RAB10: variants seen among roughly 807,000 people sequenced by gnomAD.
RAB10 encodes ras-related protein Rab-10.
In RAB10, 5 loss-of-function variants were observed where a neutral mutation model predicts 25.7. The observed-to-expected ratio is 0.19, with a 90% confidence interval of 0.10 to 0.41. RAB10 has a LOEUF of 0.41. Ranked by LOEUF, RAB10 falls within the 10% of genes least tolerant of loss-of-function variation. The pLI, the probability that RAB10 is intolerant of heterozygous loss-of-function variation, is 1.00. For synonymous variants in RAB10, 89 were observed against 86.4 expected (o/e 1.03, Z -0.16); for missense variants, 103 against 245.8 (o/e 0.42, Z 3.89).
At chr2:26,096,543 T>A (rs1667223728) in intron 1 of RAB10, among the ~76,000 whole-genome samples, 1 of 152,228 alleles carries the variant, frequency 6.6e-6, no homozygotes, top group African/African-American at 2.4e-5. Context: ...CTTTCTCTAG[T>A]AACTTCTTTT....
At chr2:26,080,409 CATG>C (rs756876461) in intron 1 of RAB10, among the ~76,000 whole-genome samples, 1 of 152,076 alleles carries the variant, frequency 6.6e-6, no homozygotes, top group Non-Finnish European at 1.5e-5. Context: ...TGATGAGAAA[CATG>C]ATAATTATTT....
intron 5 of RAB10, among the ~76,000 whole-genome samples, 192 bp downstream of exon 5, chr2:26,128,143 G>A (rs375958293): frequency 7.2e-5 from 11 of 152,242 alleles, no homozygotes; most frequent in African/African-American, 2.6e-4. Context: ...ACCGTACTGG[G>A]GGGTAGTTTC....
At chr2:26,086,086 G>C (rs539316413) in intron 1 of RAB10, among the ~76,000 whole-genome samples, 253 of 151,438 alleles carry the variant, frequency 1.7e-3, no homozygotes, top group Middle Eastern at 0.014. Flanking sequence ...AGGCTGAGGA[G>C]GGTGGATCAC....
At chr2:26,098,097 C>CT (rs1398288629) in intron 1 of RAB10, among the ~76,000 whole-genome samples, 2 of 109,316 alleles carry the variant, frequency 1.8e-5, no homozygotes, top group African/African-American at 3.5e-5. Flanking sequence ...CTTTTTCTTT[C>CT]TTTCTTTCTT....
chr2:26,093,733 T>G (rs1197844923), intron 1 of RAB10, among the ~76,000 whole-genome samples: 1 of 152,158 alleles, frequency 6.6e-6, no homozygotes, highest in East Asian at 1.9e-4. Flanking sequence ...ACTGAAGACT[T>G]TGATACTAAG....
chr2:26,130,657 C>T (rs1436805689), intron 5 of RAB10, among the ~76,000 whole-genome samples: 1 of 152,092 alleles, frequency 6.6e-6, no homozygotes, highest in African/African-American at 2.4e-5. Flanking sequence ...CTGTTTTGTC[C>T]AGGCAGGTCT....
At chr2:26,133,979 G>C (rs1025933216) in intron 5 of RAB10, among the ~76,000 whole-genome samples, 2 of 152,050 alleles carry the variant, frequency 1.3e-5, no homozygotes, top group Non-Finnish European at 2.9e-5. Context: ...CGGCCCTTCT[G>C]ATTTTCAAAG....
chr2:26,134,888 T>G, intron 5 of RAB10, 50 bp from the exon 6 acceptor site: 1 of 1,418,138 alleles, frequency 7.1e-7, no homozygotes, highest in Non-Finnish European at 9.9e-7. Context: ...CGTGATTTTA[T>G]CCATGGCAGT....
At chr2:26,119,106 T>A (rs1025278111) in intron 3 of RAB10, among the ~76,000 whole-genome samples, 3 of 152,168 alleles carry the variant, frequency 2.0e-5, no homozygotes, top group African/African-American at 7.2e-5. Flanking sequence ...AGTAAGATCA[T>A]CCAAGTAAGG....
At chr2:26,116,553 T>TTG (rs1426544810) in intron 3 of RAB10, among the ~76,000 whole-genome samples, 2 of 120,004 alleles carry the variant, frequency 1.7e-5, no homozygotes, top group Admixed American at 8.3e-5. Flanking sequence ...CTTGTGTTTT[T>TTG]TTTTTTTTTT....
chr2:26,130,224 AAAAT>A (rs1667985585), intron 5 of RAB10, among the ~76,000 whole-genome samples: 1 of 152,230 alleles, frequency 6.6e-6, no homozygotes. Context: ...ATTTCTTGAG[AAAAT>A]AAATCTATAT....
chr2:26,058,989 C>A (rs956334494), intron 1 of RAB10, among the ~76,000 whole-genome samples: 1 of 152,166 alleles, frequency 6.6e-6, no homozygotes, highest in Admixed American at 6.6e-5. Flanking sequence ...CTCTATATCT[C>A]CCTAGGACAA....
At chr2:26,117,615 G>A (rs1247076529) in intron 3 of RAB10, among the ~76,000 whole-genome samples, 7 of 125,154 alleles carry the variant, frequency 5.6e-5, no homozygotes, top group Non-Finnish European at 8.0e-5. Context: ...GCGAGACTCC[G>A]TCTCAAAAAA....
At chr2:26,058,529 C>CT (rs1477969213) in intron 1 of RAB10, among the ~76,000 whole-genome samples, 1 of 152,106 alleles carries the variant, frequency 6.6e-6, no homozygotes, top group East Asian at 1.9e-4. Context: ...TCCTAAGTAG[C>CT]TAGGATTACA....
In RAB10 at chr2:26,034,212, C is replaced by G. The variant is rs1303563338; in HGVS notation, c.-397C>G. 1 of 429,316 alleles carries G rather than the reference C, an allele frequency of 2.3e-6. No individual in the cohort carries two copies. Among genetic ancestry groups the G allele is most frequent in the Non-Finnish European group, 4.1e-6 (1 of 242,772 alleles). The allele number at this position is 429,316 out of a possible 1,614,324, so 26.6% of individuals were successfully genotyped here. A position where few individuals can be genotyped will look rare whatever the true frequency, so the allele number is the denominator to read the frequency against. ...AGGGGTCCTTCTTCGCTGCCCTCGC[C>G]GCGTGCTAGCAGGGAGTTTCCGCTC... is the stretch of plus-strand genomic sequence containing the variant. On this transcript the variant is annotated 5_prime_UTR_variant, in exon 1 of 6. Coordinates refer to ENST00000264710, the MANE Select transcript of RAB10 (RefSeq NM_016131.5).
chr2:26,086,388 A>C (rs554201542), intron 1 of RAB10, among the ~76,000 whole-genome samples: 9 of 152,238 alleles, frequency 5.9e-5, no homozygotes, highest in Non-Finnish European at 1.3e-4. Context: ...AAATGCACAT[A>C]AAAAACCACA....
chr2:26,125,364 A>G (rs1049059478), intron 3 of RAB10, among the ~76,000 whole-genome samples: 2 of 150,746 alleles, frequency 1.3e-5, no homozygotes, highest in African/African-American at 4.9e-5. Flanking sequence ...GATATTGAGC[A>G]TCTATTCATG....
chr2:26,137,130 G>A lies in RAB10; in HGVS notation c.*2109G>A, dbSNP rs749293085. 6 of 152,516 alleles carry A rather than the reference G, an allele frequency of 3.9e-5. No homozygotes were observed. The highest frequency in any genetic ancestry group is 7.4e-5 in the Non-Finnish European group (5 of 68,022). The allele number at this position is 152,516 out of a possible 1,614,324, so 9.4% of individuals were successfully genotyped here. A position where few individuals can be genotyped will look rare whatever the true frequency, so the allele number is the denominator to read the frequency against. ...CTGACAGTTTTGCATAATTATAATCGGCATTGTACATAGAAAGGATATGGC... is the reference window on the plus strand; with the variant it reads ...CTGACAGTTTTGCATAATTATAATCAGCATTGTACATAGAAAGGATATGGC... On this transcript the variant is annotated 3_prime_UTR_variant, in exon 6 of 6. Coordinates refer to ENST00000264710, the MANE Select transcript of RAB10 (RefSeq NM_016131.5).
chr2:26,037,824 A>C (rs1033989778), intron 1 of RAB10, among the ~76,000 whole-genome samples: 4 of 152,000 alleles, frequency 2.6e-5, no homozygotes, highest in African/African-American at 9.7e-5. Context: ...AGAACATGTT[A>C]TTTTATGGAT....
Sources: gnomAD v4.1 joint callset for allele counts (sites outside exome capture counted in the v4.1 genomes callset) on GRCh38, gnomAD v4.1.1 for gene constraint, MANE v1.5 for transcripts, NCBI Gene and HGNC (gene_info 2026-07-23, HGNC 2026-07-21) for gene names.